Variants in MVB12B observed in about 807,000 individuals in gnomAD.
MVB12B encodes the protein multivesicular body subunit 12B, also known as ESCRT-I complex subunit MVB12B.
MVB12B carries 16 observed loss-of-function variants against 41.6 expected under a neutral mutation model. The observed-to-expected ratio is 0.38, with a 90% CI of 0.26 to 0.58. MVB12B has a LOEUF of 0.58. Ranked by LOEUF, MVB12B falls within the 20% of genes least tolerant of loss-of-function variation. The pLI is 0.62. For missense variants in MVB12B, 274 were observed against 380.2 expected, an observed-to-expected ratio of 0.72 and a Z score of 2.32; for synonymous variants, 133 against 139.7, an observed-to-expected ratio of 0.95 and a Z score of 0.34.
intron 9 of MVB12B, among the ~76,000 whole-genome samples, chr9:126,494,094 TG>T (rs1425422455): frequency 1.3e-5 from 2 of 152,196 alleles, no homozygotes; most frequent in East Asian, 3.8e-4. Context: ...TTATAGACAT[TG>T]TTTTTTTTTT....
Position 126,386,249 on chromosome 9 carries a change from T to C in MVB12B, c.313-313T>C, listed in dbSNP as rs1189059410. On this transcript the variant is annotated intron_variant, in intron 3 of 9. Coordinates refer to ENST00000361171, the MANE Select transcript of MVB12B (RefSeq NM_033446.3). This position sits in a 1 kb window ranked among gnomAD's most constrained non-coding sequence, Gnocchi z 4.3. ...TGATGCTCAGGGCTGAATGGCAGCC[T>C]GGTCCTGGGACCTGTGTGCACAGCT... 5.3e-5 allele frequency among the ~76,000 whole-genome samples: 8 copies of C among 152,214 alleles called. No individual in the cohort carries two copies. The highest frequency in any genetic ancestry group is 1.9e-4 in the African/African-American group (8 of 41,450).
chr9:126,418,929 CTT>C (rs1290894188), intron 6 of MVB12B, among the ~76,000 whole-genome samples: 1 of 152,168 alleles, frequency 6.6e-6, no homozygotes, highest in African/African-American at 2.4e-5. Flanking sequence ...GTTCAGGTAA[CTT>C]TATGGATATT....
chr9:126,381,172 G>T lies in MVB12B; in HGVS notation c.312+1G>T. ...CACAAGATCATTTTCCAAAGAAAATGTAAGTCTAGTCGTAGTTTCCATTTG... is the reference window on the plus strand; with the variant it reads ...CACAAGATCATTTTCCAAAGAAAATTTAAGTCTAGTCGTAGTTTCCATTTG... On this transcript the variant is annotated splice_donor_variant, in intron 3 of 9. Coordinates refer to ENST00000361171, the MANE Select transcript of MVB12B (RefSeq NM_033446.3). LOFTEE classifies it high-confidence loss of function. The T allele has an allele frequency of 6.2e-7, 1 of 1,602,466 alleles. No individual in the cohort carries two copies. The highest frequency in any genetic ancestry group is 8.5e-7 in the Non-Finnish European group (1 of 1,169,806).
At position 126,396,837 on chromosome 9, in the gene MVB12B, A is replaced by G. The variant is rs899342014; in HGVS notation, c.662+1140A>G. The G allele has an allele frequency of 5.1e-6, 5 of 985,376 alleles. No homozygotes were observed. In the African/African-American group the frequency reaches 8.7e-5, roughly 17 times the overall value. The allele number at this position is 985,376 out of a possible 1,614,324, so 61.0% of individuals were successfully genotyped here. ...TTGGCATAAAAAGATAGGAATCTCT[A>G]ATAAGCCTCCCAGAGTTGCAGGGTG... On this transcript the variant is annotated intron_variant, in intron 6 of 9. Transcript: ENST00000361171.
At chr9:126,431,241 T>A (rs1371673397) in intron 7 of MVB12B, among the ~76,000 whole-genome samples, 2 of 152,190 alleles carry the variant, frequency 1.3e-5, no homozygotes, top group Admixed American at 1.3e-4. Flanking sequence ...CAGTACCCCC[T>A]GGAAGCCGAG....
At chr9:126,377,462 G>A (rs533585043) in intron 2 of MVB12B, among the ~76,000 whole-genome samples, 1 of 152,288 alleles carries the variant, frequency 6.6e-6, no homozygotes, top group South Asian at 2.1e-4. Flanking sequence ...TGGTGATTTT[G>A]AAGGGGATTC....
At chr9:126,488,598 G>C (rs1833670638) in intron 9 of MVB12B, among the ~76,000 whole-genome samples, 1 of 152,220 alleles carries the variant, frequency 6.6e-6, no homozygotes, top group African/African-American at 2.4e-5. Context: ...CTGGACTCAA[G>C]AAGTTAAGTG....
chr9:126,375,744 C>T (rs1005967036), intron 2 of MVB12B, among the ~76,000 whole-genome samples: 2 of 152,190 alleles, frequency 1.3e-5, no homozygotes, highest in African/African-American at 4.8e-5. Context: ...ATTCTACCCT[C>T]ACACTTAATC....
At chr9:126,451,662 C>T (rs760175598) in intron 7 of MVB12B, among the ~76,000 whole-genome samples, 32 of 151,986 alleles carry the variant, frequency 2.1e-4, no homozygotes, top group African/African-American at 4.1e-4. Flanking sequence ...GCAGGAACTC[C>T]GTGGTGGGAC....
rs533663133 is a variant in MVB12B, at chr9:126,455,081, G to C, written c.758-26288G>C. Among the ~76,000 whole-genome samples the C allele has an allele frequency of 3.9e-3, 590 of 152,302 alleles. 4 individuals carry two copies. The highest frequency in any genetic ancestry group is 4.7e-3 in the Non-Finnish European group (320 of 68,014). ...AAACCCTATTTCTAGGCCCCTTAAA[G>C]GTGAGCGGGCTTCAGCTCTCTCCCC... On this transcript the variant is annotated intron_variant, in intron 7 of 9. Transcript: ENST00000361171.
chr9:126,371,065 C>T (rs1021033905), intron 2 of MVB12B, among the ~76,000 whole-genome samples: 6 of 152,204 alleles, frequency 3.9e-5, no homozygotes, highest in African/African-American at 1.2e-4. Flanking sequence ...GATCAGGTGT[C>T]TGGGTACTAT....
chr9:126,427,999 G>A (rs375997379), intron 7 of MVB12B, among the ~76,000 whole-genome samples: 1 of 150,984 alleles, frequency 6.6e-6, no homozygotes, highest in Admixed American at 6.6e-5. Flanking sequence ...GGAAAAGCCA[G>A]CTTATTGCCC....
At chr9:126,432,503 T>C (rs368212892) in intron 7 of MVB12B, among the ~76,000 whole-genome samples, 3 of 152,370 alleles carry the variant, frequency 2.0e-5, no homozygotes, top group African/African-American at 7.2e-5. Flanking sequence ...CATTTAGTTG[T>C]TTTTGCATTA....
At chr9:126,414,451 C>A (rs10760432) in intron 6 of MVB12B, among the ~76,000 whole-genome samples, 1 of 151,952 alleles carries the variant, frequency 6.6e-6, no homozygotes, top group African/African-American at 2.4e-5. Flanking sequence ...TAACACTCCC[C>A]GAGGATTTAG....
chr9:126,464,244 C>T (rs1005246643), intron 7 of MVB12B, among the ~76,000 whole-genome samples: 9 of 152,132 alleles, frequency 5.9e-5, no homozygotes, highest in African/African-American at 1.4e-4. Context: ...AACGTTTCTG[C>T]CCTTTGAGGA....
chr9:126,450,294 G>A (rs529684139), intron 7 of MVB12B, among the ~76,000 whole-genome samples: 1 of 152,222 alleles, frequency 6.6e-6, no homozygotes, highest in African/African-American at 2.4e-5. Context: ...ATGGATGGCC[G>A]GCTGAGCTTC....
intron 2 of MVB12B, among the ~76,000 whole-genome samples, chr9:126,377,669 G>A (rs1830519680): frequency 6.6e-6 from 1 of 152,066 alleles, no homozygotes; most frequent in Admixed American, 6.5e-5. Flanking sequence ...AAAATGGCAA[G>A]CAGAACAGGC....
chr9:126,444,827 A>G (rs1832725629), intron 7 of MVB12B, among the ~76,000 whole-genome samples: 1 of 152,194 alleles, frequency 6.6e-6, no homozygotes, highest in Non-Finnish European at 1.5e-5. Context: ...ATCACTTGTT[A>G]AATAATCTTC....
At chr9:126,327,472 G>GCACAGCAGAGAGGA (rs1484197140) in intron 1 of MVB12B, among the ~76,000 whole-genome samples, 2 of 152,204 alleles carry the variant, frequency 1.3e-5, no homozygotes, top group Non-Finnish European at 2.9e-5. Flanking sequence ...TGTGACCTGG[G>GCACAGCAGAGAGGA]CACAGCAGAG....
Sources: allele counts gnomAD v4.1 joint callset (sites outside exome capture counted in the v4.1 genomes callset), GRCh38; gene constraint gnomAD v4.1.1; non-coding constraint Gnocchi (gnomAD v3.1); transcripts MANE v1.5; gene names NCBI Gene and HGNC (gene_info 2026-07-23, HGNC 2026-07-21).